Variants in PCSK5 observed in about 807,000 individuals in gnomAD.
The protein encoded by PCSK5 is prohormone convertase 5.
Under a neutral mutation model 233.2 loss-of-function variants are expected in PCSK5, and 129 were observed. The ratio of observed to expected loss-of-function variants is 0.55; its 90% CI spans 0.48 to 0.64. The LOEUF is 0.64. Ranked by LOEUF, PCSK5 falls within the 30% of genes least tolerant of loss-of-function variation. The pLI is 0.00. For missense variants in PCSK5, 2,076 were observed against 2,430.1 expected, an observed-to-expected ratio of 0.85 and a Z score of 3.06; for synonymous variants, 825 against 879.2, an observed-to-expected ratio of 0.94 and a Z score of 1.09.
intron 22 of PCSK5, among the ~76,000 whole-genome samples, chr9:76,236,685 C>T (rs912676615): frequency 2.0e-5 from 3 of 152,288 alleles, no homozygotes; most frequent in East Asian, 3.9e-4. Context: ...AAAAGCTGGT[C>T]ATGGCCAAGG....
At chr9:76,008,174 T>G (rs1827565359) in intron 3 of PCSK5, among the ~76,000 whole-genome samples, 1 of 152,150 alleles carries the variant, frequency 6.6e-6, no homozygotes, top group South Asian at 2.1e-4. Flanking sequence ...GCTGTCTCTA[T>G]CTGACTTTCT....
At position 76,246,926 on chromosome 9, in the gene PCSK5, C is replaced by G. The variant is rs1023785177; in HGVS notation, c.3142+6242C>G. Among the ~76,000 whole-genome samples, 27 of 152,226 alleles carry G rather than the reference C, an allele frequency of 1.8e-4. 1 individual carries two copies. The highest frequency in any genetic ancestry group is 1.6e-3 in the Admixed American group (25 of 15,284). Reference sequence around the variant, plus strand: ...CGGCAGGCCGCTTCCAAAATGGTTGCAAGCCTCATGTTCTCTGACCTGAGG... The same window carrying G: ...CGGCAGGCCGCTTCCAAAATGGTTGGAAGCCTCATGTTCTCTGACCTGAGG... On this transcript the variant is annotated intron_variant, in intron 24 of 37. Transcript: ENST00000674117.
At chr9:76,201,614 T>C (rs74464000) in intron 20 of PCSK5, among the ~76,000 whole-genome samples, 139 of 152,326 alleles carry the variant, frequency 9.1e-4, no homozygotes, top group African/African-American at 3.1e-3. Flanking sequence ...GTGCATGTTA[T>C]TAATGTCCAC....
chr9:76,319,637 G>T (rs1201133911), intron 30 of PCSK5, among the ~76,000 whole-genome samples: 39 of 152,048 alleles, frequency 2.6e-4, no homozygotes. Context: ...GCGAAAGGGA[G>T]TCTCCTTTTC....
At chr9:75,982,200 A>G (rs1029822664) in intron 2 of PCSK5, among the ~76,000 whole-genome samples, 2 of 152,180 alleles carry the variant, frequency 1.3e-5, no homozygotes, top group Non-Finnish European at 2.9e-5. Flanking sequence ...ACTCCATCAT[A>G]CAGATATGCT....
chr9:76,278,089 G>T lies in PCSK5; in HGVS notation c.3143-14144G>T, dbSNP rs375755125. On this transcript the variant is annotated intron_variant, in intron 24 of 37. Coordinates refer to ENST00000674117, the MANE Select transcript of PCSK5 (RefSeq NM_001372043.1). ...GGAGCAGTAGGACATCTCAACAGGG[G>T]TGGACATGCTGCTGCTACTCCAACA... Among the ~76,000 whole-genome samples, 16 of 152,278 alleles carry T rather than the reference G, an allele frequency of 1.1e-4. No homozygotes were observed. In the Middle Eastern group the frequency reaches 0.01, roughly 97 times the overall value.
At chr9:76,031,279 G>T (rs1828643211) in intron 5 of PCSK5, among the ~76,000 whole-genome samples, 1 of 152,144 alleles carries the variant, frequency 6.6e-6, no homozygotes, top group African/African-American at 2.4e-5. Context: ...GAGTAGCTTT[G>T]TAGTTTAGAG....
intron 4 of PCSK5, among the ~76,000 whole-genome samples, chr9:76,026,292 C>G (rs1205183223): frequency 6.6e-6 from 1 of 152,044 alleles, no homozygotes; most frequent in African/African-American, 2.4e-5. Flanking sequence ...ATTTTGAAAT[C>G]TTAGTGTAGG....
At chr9:76,006,835 C>A (rs1170253169) in intron 3 of PCSK5, among the ~76,000 whole-genome samples, 1 of 152,140 alleles carries the variant, frequency 6.6e-6, no homozygotes, top group East Asian at 1.9e-4. Flanking sequence ...TGAAGGATAG[C>A]TTCACTGATA....
intron 20 of PCSK5, among the ~76,000 whole-genome samples, chr9:76,212,095 C>T (rs371015569): frequency 6.6e-6 from 1 of 152,204 alleles, no homozygotes; most frequent in African/African-American, 2.4e-5. Flanking sequence ...TACTTACCTT[C>T]TCTTCGTGTG....
In PCSK5 at chr9:76,134,040, C is replaced by G. The variant is rs1210411763; in HGVS notation, c.1209-69C>G. 5 of 1,040,704 alleles carry G rather than the reference C, an allele frequency of 4.8e-6. No homozygotes were observed. In the African/African-American group the frequency reaches 5.2e-5, roughly 11 times the overall value. The allele number at this position is 1,040,704 out of a possible 1,614,324, so 64.5% of individuals were successfully genotyped here. ...ATTTTGATTTTGCTTTTTTAATTTG[C>G]TTGTGACTCTCTGCTTCCCCCATCT... On this transcript the variant is annotated intron_variant, in intron 9 of 37. Coordinates refer to ENST00000674117, the MANE Select transcript of PCSK5 (RefSeq NM_001372043.1).
intron 5 of PCSK5, among the ~76,000 whole-genome samples, chr9:76,030,123 A>G (rs1828593473): frequency 6.6e-6 from 1 of 151,994 alleles, no homozygotes; most frequent in Admixed American, 6.6e-5. Flanking sequence ...TTCTCTCTGA[A>G]AAACAAAAAG....
intron 7 of PCSK5, among the ~76,000 whole-genome samples, chr9:76,082,485 G>T (rs185360399): frequency 1.2e-3 from 179 of 152,196 alleles, no homozygotes; most frequent in African/African-American, 4.0e-3. Flanking sequence ...TCACTGAGGG[G>T]TTATAATATT....
intron 2 of PCSK5, among the ~76,000 whole-genome samples, chr9:75,952,192 T>C (rs867104913): frequency 6.0e-4 from 91 of 152,200 alleles, no homozygotes; most frequent in African/African-American, 1.9e-3. Context: ...TCAGCATGCA[T>C]GTCATTAACT....
intron 20 of PCSK5, among the ~76,000 whole-genome samples, chr9:76,225,085 T>G (rs1006569511): frequency 3.3e-5 from 5 of 152,196 alleles, no homozygotes; most frequent in Non-Finnish European, 5.9e-5. Context: ...GGCAAAGTAA[T>G]TGTCTTTGCC....
At chr9:76,259,929 G>T (rs73462424) in intron 24 of PCSK5, among the ~76,000 whole-genome samples, 2 of 152,120 alleles carry the variant, frequency 1.3e-5, no homozygotes, top group African/African-American at 4.8e-5. Flanking sequence ...GCAGCTTGCC[G>T]CCTCTCTTCT....
chr9:76,338,172 T>C, intron 34 of PCSK5, 58 bp from the exon 35 acceptor site: 1 of 1,269,736 alleles, frequency 7.9e-7, no homozygotes, highest in Admixed American at 2.0e-5. Context: ...GTTTTTCCAC[T>C]GCATCCAATT....
chr9:76,256,433 C>T (rs1237916999), intron 24 of PCSK5, among the ~76,000 whole-genome samples: 6 of 152,090 alleles, frequency 3.9e-5, no homozygotes, highest in South Asian at 2.1e-4. Flanking sequence ...GTGGTCGAGC[C>T]GGACACACAG....
intron 30 of PCSK5, among the ~76,000 whole-genome samples, chr9:76,318,097 C>T (rs775093068): frequency 7.0e-4 from 107 of 152,274 alleles, no homozygotes; most frequent in Admixed American, 1.9e-3. Flanking sequence ...CTTCCTCTTC[C>T]GCGAGTTCCA....
Sources: gnomAD v4.1 joint callset for allele counts (sites outside exome capture counted in the v4.1 genomes callset) on GRCh38, gnomAD v4.1.1 for gene constraint, MANE v1.5 for transcripts, NCBI Gene and HGNC (gene_info 2026-07-23, HGNC 2026-07-21) for gene names.